Variants in MAU2 observed in about 807,000 individuals in gnomAD.
The protein encoded by MAU2 is MAU2 chromatid cohesion factor homolog.
Under a neutral mutation model 89.1 loss-of-function variants are expected in MAU2, and 9 were observed. That is an observed-to-expected ratio of 0.10 (90% CI 0.06 to 0.18). The LOEUF (loss-of-function observed/expected upper bound fraction) is 0.18. Among genes scored for constraint, MAU2 ranks in the 10% least tolerant of loss-of-function variants. The pLI, the probability that MAU2 is intolerant of heterozygous loss-of-function variation, is 1.00. For missense variants in MAU2, 425 were observed against 803.5 expected, an observed-to-expected ratio of 0.53 and a Z score of 5.69; for synonymous variants, 357 against 343.4, an observed-to-expected ratio of 1.04 and a Z score of -0.44.
Position 19,354,071 on chromosome 19 carries a change from T to A in MAU2, c.1549-284T>A, listed in dbSNP as rs572465202. The A allele has an allele frequency of 6.2e-6, 3 of 481,882 alleles. No individual in the cohort carries two copies. In the East Asian group the frequency reaches 1.2e-4, roughly 19 times the overall value. 29.9% of individuals were successfully genotyped at this position (481,882 alleles called of 1,614,324 possible). ...CTAGGGCTAACGGCCATCAGTGCTT[T>A]TTCTCTGCTTGAACAGGTAGAAGCC... On this transcript the variant is annotated intron_variant, in intron 16 of 18. Transcript: ENST00000262815.
chr19:19,341,432 T>A (rs1267160285), intron 7 of MAU2, 25 bp downstream of exon 7: 1 of 1,612,114 alleles, frequency 6.2e-7, no homozygotes, highest in East Asian at 2.2e-5. Context: ...TCAGGCGAGC[T>A]GCTGGTTGTG....
intron 1 of MAU2, among the ~76,000 whole-genome samples, chr19:19,330,818 T>C (rs1464869310): frequency 6.6e-6 from 1 of 151,112 alleles, no homozygotes; most frequent in Non-Finnish European, 1.5e-5. Context: ...GGAGGATCTC[T>C]TGAGCCCAGG....
At chr19:19,335,588 C>T (rs1001840536) in intron 1 of MAU2, 130 bp from the exon 2 acceptor site, 15 of 875,218 alleles carry the variant, frequency 1.7e-5, no homozygotes, top group Non-Finnish European at 2.8e-5. Context: ...GCCAAGCGGG[C>T]CGCCTTCTTG....
rs2061452201 is a variant in MAU2 at position 19,321,252 on chromosome 19, C to T, written c.276+117C>T. ...CCTCGGCGACCTGGGGGCGCGACCT[C>T]CGTCAAAGCCGCAGGACCCCCACCC... On this transcript the variant is annotated intron_variant, in intron 1 of 18. Transcript: ENST00000262815. 6.5e-6 allele frequency: 8 copies of T among 1,233,096 alleles called. No individual in the cohort carries two copies. In the South Asian group the frequency reaches 1.4e-4, roughly 21 times the overall value. The allele number at this position is 1,233,096 out of a possible 1,614,324, so 76.4% of individuals were successfully genotyped here. A position where few individuals can be genotyped will look rare whatever the true frequency, so the allele number is the denominator to read the frequency against.
intron 1 of MAU2, among the ~76,000 whole-genome samples, chr19:19,327,689 T>C (rs975623749): frequency 2.0e-5 from 3 of 151,728 alleles, no homozygotes; most frequent in Admixed American, 1.3e-4. Flanking sequence ...CCTCAGCAGC[T>C]TTTTTGGGGT....
intron 1 of MAU2, among the ~76,000 whole-genome samples, chr19:19,326,700 A>ACGTATATATATATATATACG (rs1555792833): frequency 1.8e-5 from 2 of 108,850 alleles, no homozygotes; most frequent in African/African-American, 3.0e-5. Flanking sequence ...AAATATATAT[A>ACGTATATATATATATATACG]TGTATATATA....
Position 19,345,166 on chromosome 19 carries a change from C to A in MAU2, c.1156-138C>A. The A allele has an allele frequency of 2.5e-6, 2 of 802,286 alleles. No homozygotes were observed. Among genetic ancestry groups the A allele is most frequent in the Non-Finnish European group, 4.2e-6 (2 of 480,134 alleles). The allele number at this position is 802,286 out of a possible 1,614,324, so 49.7% of individuals were successfully genotyped here. On this transcript the variant is annotated intron_variant, in intron 11 of 18. Coordinates refer to ENST00000262815, the MANE Select transcript of MAU2 (RefSeq NM_015329.4). The surrounding 1 kb of genome is among the most constrained non-coding windows in gnomAD (Gnocchi z 4.9). ...AAAGGTGGGGACAGTGAGCATATTACCTGCCTTGCAGCTGGCTCGGTAGAG... is the reference window on the plus strand; with the variant it reads ...AAAGGTGGGGACAGTGAGCATATTAACTGCCTTGCAGCTGGCTCGGTAGAG...
At chr19:19,343,532 A>G (rs1051813350) in intron 9 of MAU2, among the ~76,000 whole-genome samples, 1 of 152,196 alleles carries the variant, frequency 6.6e-6, no homozygotes, top group Non-Finnish European at 1.5e-5. Context: ...GGTGGTTTCC[A>G]CATTTCTACA....
chr19:19,334,371 C>T, intron 1 of MAU2: 1 of 985,814 alleles, frequency 1.0e-6, no homozygotes, highest in Non-Finnish European at 1.2e-6. Flanking sequence ...GGGCTCTCTC[C>T]CACAGCTGTC....
intron 1 of MAU2, chr19:19,334,267 G>T (rs1373140247): frequency 9.1e-6 from 9 of 985,390 alleles, no homozygotes; most frequent in African/African-American, 1.7e-5. Context: ...TCCTGTCCGT[G>T]CCACAAGAGG....
At position 19,337,193 on chromosome 19, in the gene MAU2, G is replaced by A. The variant is rs776126180; in HGVS notation, c.384G>A (p.Pro128=). The A allele has an allele frequency of 3.7e-6, 6 of 1,612,376 alleles. No homozygotes were observed. The highest frequency in any genetic ancestry group is 2.2e-5 in the South Asian group (2 of 91,024). Residue 128 remains proline, a synonymous_variant, in exon 4 of 19, where the codon CCG becomes CCA. Coordinates refer to ENST00000262815, the MANE Select transcript of MAU2 (RefSeq NM_015329.4). ...CQENSVDAAK[P]LLRKAIQISQ... ...AGAATTCCGTTGATGCAGCAAAGCC[G>A]CTGCTGCGGAAGGCGATCCAGATCT... is the stretch of plus-strand genomic sequence containing the variant.
rs1404900230 is a variant in MAU2 at position 19,357,945 on chromosome 19, CGGT to C, written c.*2166_*2168del. 6.6e-6 allele frequency: 1 copy of C among 151,884 alleles called. No homozygotes were observed. Among genetic ancestry groups the C allele is most frequent in the African/African-American group, 2.4e-5 (1 of 41,324 alleles). The allele number at this position is 151,884 out of a possible 1,614,324, so 9.4% of individuals were successfully genotyped here. On this transcript the variant is annotated 3_prime_UTR_variant, in exon 19 of 19. Coordinates refer to ENST00000262815, the MANE Select transcript of MAU2 (RefSeq NM_015329.4). Reference sequence around the variant, plus strand: ...CAATTGCAAGAATAGAGGCCAGACACGGTGGCGCATGCCTGTAGTCCCAGCTAA... The same window carrying C: ...CAATTGCAAGAATAGAGGCCAGACACGGCGCATGCCTGTAGTCCCAGCTAA...
At position 19,356,504 on chromosome 19, in the gene MAU2, A is replaced by T. The variant is rs2048180976; in HGVS notation, c.*722A>T. 1 of 172,374 alleles carries T rather than the reference A, an allele frequency of 5.8e-6. No homozygotes were observed. The highest frequency in any genetic ancestry group is 1.2e-5 in the Non-Finnish European group (1 of 80,090). 10.7% of individuals were successfully genotyped at this position (172,374 alleles called of 1,614,324 possible). On this transcript the variant is annotated 3_prime_UTR_variant, in exon 19 of 19. Transcript: ENST00000262815. ...GGGTGTGCGGTGAAGATCTGTGGAG[A>T]TGGAGCTGGGAGCTGAGGCTCCTGT...
chr19:19,342,137 G>A (rs1489111833), intron 7 of MAU2, among the ~76,000 whole-genome samples: 1 of 152,142 alleles, frequency 6.6e-6, no homozygotes, highest in Non-Finnish European at 1.5e-5. Flanking sequence ...GCCTCAGGGC[G>A]AGATGGACCA....
At chr19:19,352,276 T>C (rs2061751748) in intron 16 of MAU2, 1 of 152,054 alleles carries the variant, frequency 6.6e-6, no homozygotes, top group Non-Finnish European at 1.5e-5. Flanking sequence ...ACAGGACAGA[T>C]AAAGCAAGAT....
chr19:19,349,481 T>A, intron 16 of MAU2, 45 bp downstream of exon 16: 1 of 1,554,230 alleles, frequency 6.4e-7, no homozygotes, highest in South Asian at 1.1e-5. Flanking sequence ...CCTGTGGGGC[T>A]TGGCTGAGGG....
rs2048205301 is a variant in MAU2 at position 19,358,736 on chromosome 19, A to G, written c.*2954A>G. 1 of 152,260 alleles carries G rather than the reference A, an allele frequency of 6.6e-6. No individual in the cohort carries two copies. The highest frequency in any genetic ancestry group is 1.5e-5 in the Non-Finnish European group (1 of 68,048). 9.4% of individuals were successfully genotyped at this position (152,260 alleles called of 1,614,324 possible). A position where few individuals can be genotyped will look rare whatever the true frequency, so the allele number is the denominator to read the frequency against. The stretch of plus-strand genomic sequence containing the variant: ...TTTTGTTTCCTATATATTCAAAGTA[A>G]AATGACTTACAGGAGCCACGTGCTG... On this transcript the variant is annotated 3_prime_UTR_variant, in exon 19 of 19. Transcript: ENST00000262815.
chr19:19,343,484 G>A (rs1012490297), intron 9 of MAU2, among the ~76,000 whole-genome samples: 1 of 152,190 alleles, frequency 6.6e-6, no homozygotes, highest in Non-Finnish European at 1.5e-5. Flanking sequence ...CCCCCTACCC[G>A]ACTGCCTGAG....
intron 1 of MAU2, among the ~76,000 whole-genome samples, chr19:19,327,307 A>C (rs2061518620): frequency 3.6e-5 from 1 of 27,464 alleles, no homozygotes; most frequent in Non-Finnish European, 1.3e-4. Flanking sequence ...ACTTGTATTT[A>C]TTTATTTATT....
Sources: allele counts gnomAD v4.1 joint callset (sites outside exome capture counted in the v4.1 genomes callset), GRCh38; gene constraint gnomAD v4.1.1; non-coding constraint Gnocchi (gnomAD v3.1); transcripts MANE v1.5; gene names NCBI Gene and HGNC (gene_info 2026-07-23, HGNC 2026-07-21).